PCLO: variants seen among roughly 807,000 people sequenced by gnomAD.
The protein encoded by PCLO is piccolo presynaptic cytomatrix protein.
Under a neutral mutation model 427.5 loss-of-function variants are expected in PCLO, and 82 were observed. The ratio of observed to expected loss-of-function variants is 0.19; its 90% CI spans 0.16 to 0.23. The LOEUF (loss-of-function observed/expected upper bound fraction) is 0.23. Ranked by LOEUF, PCLO falls within the 10% of genes least tolerant of loss-of-function variation. PCLO has a pLI of 1.00. For missense variants in PCLO, 6,239 were observed against 6,115.9 expected (o/e 1.02, Z -0.67); for synonymous variants, 2,357 against 2,155.4 (o/e 1.09, Z -2.59).
intron 15 of PCLO, among the ~76,000 whole-genome samples, chr7:82,837,376 G>A (rs548463402): frequency 1.3e-5 from 2 of 151,900 alleles, no homozygotes; most frequent in Non-Finnish European, 2.9e-5. Context: ...AAATTAAAAT[G>A]AAAATGAATA....
At chr7:82,961,107 C>T (rs971918482) in intron 4 of PCLO, among the ~76,000 whole-genome samples, 2 of 151,936 alleles carry the variant, frequency 1.3e-5, no homozygotes, top group Non-Finnish European at 2.9e-5. Flanking sequence ...AACATAGCAG[C>T]CAGAATAGTA....
At chr7:82,793,913 A>G (rs1791160472) in intron 22 of PCLO, among the ~76,000 whole-genome samples, 1 of 152,214 alleles carries the variant, frequency 6.6e-6, no homozygotes, top group African/African-American at 2.4e-5. Flanking sequence ...TGAGATAGGT[A>G]GCATGGAAAG....
chr7:83,061,380 G>C (rs1356704518), intron 3 of PCLO, among the ~76,000 whole-genome samples: 2 of 152,090 alleles, frequency 1.3e-5, no homozygotes, highest in African/African-American at 4.8e-5. Context: ...TTTATTAAAG[G>C]TCTACCTGAT....
rs138153267 is a variant in PCLO at position 83,040,313 on chromosome 7, T to C, written c.3301-73826A>G. On this transcript the variant is annotated intron_variant, in intron 3 of 24. Transcript: ENST00000333891. ...GTGAAACCTCAGATGTTGCCCATCATAGGGCACAGATTTTGTAGGCTGATA... is the reference window on the plus strand; with the variant it reads ...GTGAAACCTCAGATGTTGCCCATCACAGGGCACAGATTTTGTAGGCTGATA... Among the ~76,000 whole-genome samples, 233 of 152,280 alleles carry C rather than the reference T, an allele frequency of 1.5e-3. 1 individual carries two copies. The highest frequency in any genetic ancestry group is 2.1e-3 in the Non-Finnish European group (140 of 68,030).
At chr7:82,933,787 ATCTT>A (rs1409507796) in intron 6 of PCLO, among the ~76,000 whole-genome samples, 2 of 151,998 alleles carry the variant, frequency 1.3e-5, no homozygotes, top group Non-Finnish European at 2.9e-5. Context: ...CTCTCCTTTG[ATCTT>A]TCTATGATTC....
At chr7:82,837,175 T>A (rs1792251647) in intron 15 of PCLO, among the ~76,000 whole-genome samples, 1 of 152,062 alleles carries the variant, frequency 6.6e-6, no homozygotes, top group Non-Finnish European at 1.5e-5. Flanking sequence ...CAGAAATAAT[T>A]ATAATAGCTG....
chr7:82,824,480 T>C (rs1023805061), intron 18 of PCLO, 64 bp from the exon 19 acceptor site: 74 of 1,028,734 alleles, frequency 7.2e-5, no homozygotes, highest in Non-Finnish European at 1.0e-4. Flanking sequence ...TCATTACTTT[T>C]TCTATGTTCT....
intron 22 of PCLO, among the ~76,000 whole-genome samples, chr7:82,774,557 C>T (rs932593780): frequency 3.9e-4 from 60 of 152,150 alleles, no homozygotes; most frequent in African/African-American, 1.1e-3. Context: ...ATGTTAATTC[C>T]AAAATACTTT....
At chr7:82,877,814 C>T (rs1460502933) in intron 10 of PCLO, among the ~76,000 whole-genome samples, 5 of 152,130 alleles carry the variant, frequency 3.3e-5, no homozygotes, top group Middle Eastern at 3.4e-3. Context: ...TACAGGCTCC[C>T]GCCACCACAT....
At chr7:82,976,492 A>G (rs922828675) in intron 3 of PCLO, among the ~76,000 whole-genome samples, 3 of 152,210 alleles carry the variant, frequency 2.0e-5, no homozygotes, top group Admixed American at 6.5e-5. Context: ...TCTGATTAAA[A>G]TCTAAGTGAT....
intron 3 of PCLO, among the ~76,000 whole-genome samples, chr7:83,107,605 A>G (rs6974904): frequency 0.48 from 72,725 of 151,142 alleles, 18,189 homozygotes; most frequent in East Asian, 0.71. Flanking sequence ...TGGAAGATAA[A>G]TACTTAACTA....
intron 3 of PCLO, among the ~76,000 whole-genome samples, chr7:83,067,749 C>A (rs1789703693): frequency 1.3e-5 from 2 of 152,208 alleles, no homozygotes; most frequent in African/African-American, 4.8e-5. Flanking sequence ...AAGTAAGATG[C>A]ATCATCTTTA....
intron 3 of PCLO, among the ~76,000 whole-genome samples, chr7:82,999,156 A>C (rs1787710956): frequency 6.8e-6 from 1 of 147,318 alleles, no homozygotes; most frequent in African/African-American, 2.5e-5. Context: ...CAGAGAATGA[A>C]GACTGAAAAA....
At chr7:82,977,208 CTA>C (rs1796037061) in intron 3 of PCLO, among the ~76,000 whole-genome samples, 1 of 151,932 alleles carries the variant, frequency 6.6e-6, no homozygotes, top group Non-Finnish European at 1.5e-5. Context: ...AGAATAACCA[CTA>C]TTTTAATTTT....
intron 22 of PCLO, among the ~76,000 whole-genome samples, chr7:82,773,851 A>G (rs1307530294): frequency 6.6e-6 from 1 of 152,052 alleles, no homozygotes; most frequent in African/African-American, 2.4e-5. Flanking sequence ...GGTTTCAGTA[A>G]TAATTACCAG....
Position 82,952,355 on chromosome 7 carries a change from C to A in PCLO, c.8598G>T (p.Leu2866Phe). ...SLGTPAHAVTLAITKPVTVPP... is the reference protein window; with the variant it reads ...SLGTPAHAVTFAITKPVTVPP... ...GCACAGTGACAGGTTTTGTAATAGCCAATGTCACTGCATGTGCTGGAGTAC... is the reference window on the plus strand; with the variant it reads ...GCACAGTGACAGGTTTTGTAATAGCAAATGTCACTGCATGTGCTGGAGTAC... The change falls in exon 5 of 25, where the codon TTG becomes TTT. Residue 2866 changes from leucine (L) to phenylalanine (F), a missense_variant. Physicochemically the swap from Leu to Phe is conservative, Grantham distance 22. Around this residue, in one of 5 missense-constraint regions of PCLO, gnomAD observed 4,677 missense variants for 4,468.4 expected, o/e 1.05. Transcript: ENST00000333891. 1 of 1,613,802 alleles carries A rather than the reference C, an allele frequency of 6.2e-7. No individual in the cohort carries two copies. The highest frequency in any genetic ancestry group is 8.5e-7 in the Non-Finnish European group (1 of 1,179,752).
chr7:82,908,636 A>G (rs1224715063), intron 8 of PCLO, among the ~76,000 whole-genome samples: 1 of 152,138 alleles, frequency 6.6e-6, no homozygotes, highest in African/African-American at 2.4e-5. Context: ...ATACAAACTT[A>G]ATAATGATCT....
At chr7:82,913,125 A>G (rs1469802894) in intron 7 of PCLO, among the ~76,000 whole-genome samples, 1 of 152,162 alleles carries the variant, frequency 6.6e-6, no homozygotes, top group South Asian at 2.1e-4. Flanking sequence ...TAAATAAAAA[A>G]CCCACAAATT....
Position 83,162,694 on chromosome 7 carries a change from G to T in PCLO, c.-102C>A. 1 of 1,400,880 alleles carries T rather than the reference G, an allele frequency of 7.1e-7. No individual in the cohort carries two copies. Among genetic ancestry groups the T allele is most frequent in the South Asian group, 1.5e-5 (1 of 67,236 alleles). 86.8% of individuals were successfully genotyped at this position (1,400,880 alleles called of 1,614,324 possible). A position where few individuals can be genotyped will look rare whatever the true frequency, so the allele number is the denominator to read the frequency against. The stretch of plus-strand genomic sequence containing the variant: ...AGTCAGAGCCGGGGTCCGCCTCGGG[G>T]CGTGCAGGCAGCCGAGTCCCTGGAC... On this transcript the variant is annotated 5_prime_UTR_variant, in exon 1 of 25. Coordinates refer to ENST00000333891, the MANE Select transcript of PCLO (RefSeq NM_033026.6).
Sources: gnomAD v4.1 joint callset for allele counts (sites outside exome capture counted in the v4.1 genomes callset) on GRCh38, gnomAD v4.1.1 for gene constraint, gnomAD v4.1.1 regional missense constraint, MANE v1.5 for transcripts, NCBI Gene and HGNC (gene_info 2026-07-23, HGNC 2026-07-21) for gene names.